Variants in KALRN observed in about 807,000 individuals in gnomAD.
KALRN encodes the protein kalirin.
KALRN carries 70 observed loss-of-function variants against 353.7 expected under a neutral mutation model. That is an observed-to-expected ratio of 0.20 (90% CI 0.16 to 0.24). The LOEUF is 0.24. KALRN is among the 10% of genes least tolerant of loss of function. KALRN has a pLI of 1.00. For missense variants in KALRN, 2,791 were observed against 3,756.7 expected (o/e 0.74, Z 6.72); for synonymous variants, 1,391 against 1,434.8 (o/e 0.97, Z 0.69).
chr3:124,309,344 A>G (rs1414158277), intron 6 of KALRN, among the ~76,000 whole-genome samples: 3 of 152,164 alleles, frequency 2.0e-5, no homozygotes, highest in East Asian at 3.8e-4. Context: ...CAAGAAAACT[A>G]CAGACCAATA....
At position 124,103,767 on chromosome 3, in the gene KALRN, G is replaced by T. The variant is rs145426411; in HGVS notation, c.73+69954G>T. 3.2e-4 allele frequency among the ~76,000 whole-genome samples: 48 copies of T among 152,102 alleles called. No homozygotes were observed. In the East Asian group the frequency reaches 8.7e-3, roughly 28 times the overall value. ...GCTCAGGAGTTGGAGACTAGCTTGG[G>T]CAACATGGTAAAACCCCATCTCTAC... On this transcript the variant is annotated intron_variant, in intron 1 of 59. Transcript: ENST00000682506.
intron 5 of KALRN, among the ~76,000 whole-genome samples, chr3:124,289,829 T>TGG (rs2076273563): frequency 6.6e-6 from 1 of 152,230 alleles, no homozygotes; most frequent in Non-Finnish European, 1.5e-5. Context: ...TTATGTGACA[T>TGG]ACACTATGAA....
chr3:124,246,105 A>C (rs1048575227), intron 3 of KALRN, among the ~76,000 whole-genome samples: 1 of 152,220 alleles, frequency 6.6e-6, no homozygotes, highest in Non-Finnish European at 1.5e-5. Context: ...ATACCTAGAC[A>C]TGGGATCGCT....
intron 1 of KALRN, among the ~76,000 whole-genome samples, chr3:124,180,735 C>G (rs1199626894): frequency 6.6e-6 from 1 of 152,104 alleles, no homozygotes; most frequent in African/African-American, 2.4e-5. Context: ...TGCCCCTGCC[C>G]TGGCTCTCTT....
At chr3:124,495,195 G>T (rs79801279) in intron 32 of KALRN, among the ~76,000 whole-genome samples, 1 of 152,108 alleles carries the variant, frequency 6.6e-6, no homozygotes, top group African/African-American at 2.4e-5. Flanking sequence ...AGCACAGCTG[G>T]CTCCAAAGCT....
intron 1 of KALRN, among the ~76,000 whole-genome samples, chr3:124,073,036 G>A (rs2060091570): frequency 6.6e-6 from 1 of 152,194 alleles, no homozygotes; most frequent in African/African-American, 2.4e-5. Context: ...GCAACGTTCC[G>A]ATGACGGCTT....
intron 3 of KALRN, among the ~76,000 whole-genome samples, chr3:124,258,144 T>C (rs2072307073): frequency 6.6e-6 from 1 of 152,106 alleles, no homozygotes; most frequent in African/African-American, 2.4e-5. Flanking sequence ...CCATGCAGAC[T>C]CTGGCCACTG....
chr3:124,136,496 C>CG, intron 1 of KALRN, among the ~76,000 whole-genome samples: 1 of 152,208 alleles, frequency 6.6e-6, no homozygotes, highest in East Asian at 1.9e-4. Flanking sequence ...AGGTCCCCCC[C>CG]CCATTGATTG....
intron 1 of KALRN, among the ~76,000 whole-genome samples, chr3:124,087,578 C>A (rs1338833576): frequency 6.6e-6 from 1 of 152,160 alleles, no homozygotes; most frequent in African/African-American, 2.4e-5. Context: ...CTGTAACAAA[C>A]CACCCTAAAT....
At chr3:124,678,963 C>G (rs1332935019) in intron 50 of KALRN, among the ~76,000 whole-genome samples, 1 of 126,986 alleles carries the variant, frequency 7.9e-6, no homozygotes, top group Non-Finnish European at 1.6e-5. Flanking sequence ...TAAATTGGAA[C>G]CTCTGGAAAG....
chr3:124,651,957 A>G (rs2083463296), intron 38 of KALRN, among the ~76,000 whole-genome samples: 2 of 152,050 alleles, frequency 1.3e-5, no homozygotes, highest in African/African-American at 4.8e-5. Flanking sequence ...TTTCTTGTTT[A>G]GGGTTGTACT....
intron 1 of KALRN, among the ~76,000 whole-genome samples, chr3:124,044,806 G>T (rs1191744762): frequency 1.3e-5 from 2 of 149,450 alleles, no homozygotes; most frequent in Admixed American, 6.7e-5. Flanking sequence ...TCAAAATCAT[G>T]AACACTGATT....
Position 124,434,408 on chromosome 3 carries a change from T to C in KALRN, c.2931T>C (p.Asp977=). ...TCCAGGCCGGCCACTACGATGCCGA[T>C]GCCATCCGGGAATGTGCTGAGAAGG... ...VLLQAGHYDA[D]AIRECAEKVA... Residue 977 remains aspartate, a synonymous_variant, in exon 17 of 60, where the codon GAT becomes GAC. Transcript: ENST00000682506. 1 of 1,614,194 alleles carries C rather than the reference T, an allele frequency of 6.2e-7. No homozygotes were observed. Among genetic ancestry groups the C allele is most frequent in the South Asian group, 1.1e-5 (1 of 91,084 alleles).
chr3:124,350,498 T>C (rs934040667), intron 10 of KALRN, among the ~76,000 whole-genome samples: 1 of 152,202 alleles, frequency 6.6e-6, no homozygotes, highest in Non-Finnish European at 1.5e-5. Context: ...CCCAGGTCTG[T>C]TGGATTCCAC....
intron 33 of KALRN, among the ~76,000 whole-genome samples, chr3:124,549,161 G>A (rs2109500313): frequency 6.6e-6 from 1 of 150,532 alleles, no homozygotes; most frequent in South Asian, 2.1e-4. Context: ...CAGGGCTGCT[G>A]AGTTCAAAAC....
At chr3:124,658,854 C>T (rs373389082) in intron 42 of KALRN, among the ~76,000 whole-genome samples, 77 of 152,282 alleles carry the variant, frequency 5.1e-4, no homozygotes, top group African/African-American at 1.8e-3. Flanking sequence ...CCCCAGGGAC[C>T]ACTTACTAAG....
chr3:124,369,582 G>T (rs1317782678), intron 10 of KALRN, among the ~76,000 whole-genome samples: 1 of 152,058 alleles, frequency 6.6e-6, no homozygotes, highest in Non-Finnish European at 1.5e-5. Context: ...ACCTCACATA[G>T]TTATCATTTT....
intron 7 of KALRN, 129 bp from the exon 8 acceptor site, chr3:124,329,732 T>C: frequency 9.8e-7 from 1 of 1,018,978 alleles, no homozygotes; most frequent in Non-Finnish European, 1.4e-6. Flanking sequence ...CTCTACCCTC[T>C]ACAGTGGTCT....
At position 124,380,104 on chromosome 3, in the gene KALRN, T is replaced by A. The variant is rs2087133772; in HGVS notation, c.1771-4741T>A. Among the ~76,000 whole-genome samples the A allele has an allele frequency of 2.0e-5, 3 of 152,170 alleles. No individual in the cohort carries two copies. The South Asian group carries it at 6.2e-4, about 32-fold the overall frequency. On this transcript the variant is annotated intron_variant, in intron 10 of 59. Coordinates refer to ENST00000682506, the MANE Select transcript of KALRN (RefSeq NM_001388419.1). ...GCCTCATCCTCCTCATTCCCAGGTA[T>A]AAAGCCAAGATTCTCACTTCATATT...
Sources: allele counts gnomAD v4.1 joint callset (sites outside exome capture counted in the v4.1 genomes callset), GRCh38; gene constraint gnomAD v4.1.1; transcripts MANE v1.5; gene names NCBI Gene and HGNC (gene_info 2026-07-23, HGNC 2026-07-21).